GYG1: variants seen among roughly 807,000 people sequenced by gnomAD.
The protein encoded by GYG1 is glycogenin-1.
Under a neutral mutation model 41.9 loss-of-function variants are expected in GYG1, and 44 were observed. The ratio of observed to expected loss-of-function variants is 1.05; its 90% CI spans 0.83 to 1.35. The LOEUF (loss-of-function observed/expected upper bound fraction) is 1.35, where lower values mean the gene tolerates loss of function less well. GYG1 is among the 40% of genes most tolerant of loss of function. GYG1 has a pLI of 0.00. For missense variants in GYG1, 429 were observed against 418.9 expected (o/e 1.02, Z -0.21); for synonymous variants, 141 against 158.1 (o/e 0.89, Z 0.81).
rs1415409024 is a variant in GYG1, at chr3:149,030,533, G to A, written c.*3600G>A. ...GGCTTTGTCTTTGTAAGCAGAAAGA[G>A]TAGACTGTGTTGTTTTTTGCCAAAA... On this transcript the variant is annotated 3_prime_UTR_variant, in exon 8 of 8. Coordinates refer to ENST00000345003, the MANE Select transcript of GYG1 (RefSeq NM_004130.4). The A allele has an allele frequency of 6.6e-6, 1 of 152,162 alleles. No homozygotes were observed. Among genetic ancestry groups the A allele is most frequent in the African/African-American group, 2.4e-5 (1 of 41,440 alleles). 9.4% of individuals were successfully genotyped at this position (152,162 alleles called of 1,614,324 possible). A position where few individuals can be genotyped will look rare whatever the true frequency, so the allele number is the denominator to read the frequency against.
intron 5 of GYG1, among the ~76,000 whole-genome samples, chr3:149,021,911 C>G (rs1466353935): frequency 6.6e-6 from 1 of 152,130 alleles, no homozygotes; most frequent in Non-Finnish European, 1.5e-5. Context: ...GAGGTTCTGT[C>G]CCATTTTACT....
At position 149,026,617 on chromosome 3, in the gene GYG1, T is replaced by G. The variant is rs2289449; in HGVS notation, c.879+115T>G. 6,770 of 1,005,564 alleles carry G rather than the reference T, an allele frequency of 6.7e-3. 237 individuals carry two copies. In the East Asian group the frequency reaches 0.078, roughly 12 times the overall value. 62.3% of individuals were successfully genotyped at this position (1,005,564 alleles called of 1,614,324 possible). On this transcript the variant is annotated intron_variant, in intron 7 of 7. Transcript: ENST00000345003. ...CATATAATCTATATTTTTGTGTCTTTTTTGTTTGTTTCATGTAATACTTTT... is the reference window on the plus strand; with the variant it reads ...CATATAATCTATATTTTTGTGTCTTGTTTGTTTGTTTCATGTAATACTTTT...
chr3:149,009,711 C>T (rs1054670685), intron 5 of GYG1, among the ~76,000 whole-genome samples: 1 of 152,184 alleles, frequency 6.6e-6, no homozygotes, highest in African/African-American at 2.4e-5. Context: ...TGCAGACTTA[C>T]AACTTGGAGG....
In GYG1 at chr3:149,028,284, G is replaced by A. The variant is rs1419070858; in HGVS notation, c.*1351G>A. Among the ~76,000 whole-genome samples the A allele has an allele frequency of 2.6e-5, 4 of 152,152 alleles. No homozygotes were observed. Among genetic ancestry groups the A allele is most frequent in the Non-Finnish European group, 5.9e-5 (4 of 68,024 alleles). ...ACAGCTTAAGTCAAGAATGGTTGGG[G>A]CCACCTTGAAGGCTGTTACCATAGG... On this transcript the variant is annotated 3_prime_UTR_variant, in exon 8 of 8. Coordinates refer to ENST00000345003, the MANE Select transcript of GYG1 (RefSeq NM_004130.4).
intron 5 of GYG1, among the ~76,000 whole-genome samples, chr3:149,014,867 CAAAAAAA>C (rs113311454): frequency 9.0e-6 from 1 of 111,020 alleles, no homozygotes; most frequent in Admixed American, 9.4e-5. Flanking sequence ...GACTCTGTCT[CAAAAAAA>C]AAAAAAAAAA....
chr3:149,018,896 T>A (rs1714213425), intron 5 of GYG1, among the ~76,000 whole-genome samples: 1 of 151,384 alleles, frequency 6.6e-6, no homozygotes. Context: ...CTACAAAAAA[T>A]AAAAATAAAA....
rs267606858 is a variant in GYG1, at chr3:148,996,406, C to A, written c.248C>A (p.Thr83Lys). ...TLMKRPELGV[T>K]LTKLHCWSLT... The stretch of plus-strand genomic sequence containing the variant: ...ATGAAGAGGCCAGAGTTGGGTGTCA[C>A]GCTGACAAAGCTCCACTGCTGGTCG... The change falls in exon 3 of 8, where the codon ACG becomes AAG. Residue 83 changes from threonine (T) to lysine (K), a missense_variant. Transcript: ENST00000345003. The A allele has an allele frequency of 6.2e-7, 1 of 1,613,458 alleles. No homozygotes were observed. The highest frequency in any genetic ancestry group is 1.3e-5 in the African/African-American group (1 of 74,910).
At chr3:148,991,755 A>C in intron 1 of GYG1, 108 bp downstream of exon 1, 2 of 910,330 alleles carry the variant, frequency 2.2e-6, no homozygotes, top group Non-Finnish European at 3.3e-6. Context: ...CGGCAGGACG[A>C]AACCGCCGCA....
At chr3:148,991,740 G>C in intron 1 of GYG1, 93 bp downstream of exon 1, 1 of 1,068,326 alleles carries the variant, frequency 9.4e-7, no homozygotes, top group Non-Finnish European at 1.3e-6. Flanking sequence ...GCCCCGGAGT[G>C]TTCCCGGCAG....
At chr3:149,010,338 T>G (rs1171056138) in intron 5 of GYG1, among the ~76,000 whole-genome samples, 1 of 151,752 alleles carries the variant, frequency 6.6e-6, no homozygotes, top group African/African-American at 2.4e-5. Context: ...TTTTTTTTTT[T>G]TTTTTTTGAG....
chr3:149,004,596 C>T (rs1295163217), intron 4 of GYG1, among the ~76,000 whole-genome samples: 1 of 152,214 alleles, frequency 6.6e-6, no homozygotes, highest in Non-Finnish European at 1.5e-5. Flanking sequence ...CAGCTACGGA[C>T]TTCTACATGG....
chr3:148,997,641 AAC>A (rs752468351), intron 4 of GYG1, among the ~76,000 whole-genome samples: 1 of 152,266 alleles, frequency 6.6e-6, no homozygotes, highest in South Asian at 2.1e-4. Context: ...TAAAAACAAA[AAC>A]ACACAGGACA....
intron 6 of GYG1, among the ~76,000 whole-genome samples, chr3:149,024,656 A>G (rs558283934): frequency 6.6e-6 from 1 of 152,374 alleles, no homozygotes; most frequent in East Asian, 1.9e-4. Context: ...TATATTTGCC[A>G]TCTGCTTAGA....
chr3:149,028,448 A>C lies in GYG1; in HGVS notation c.*1515A>C, dbSNP rs558120504. Among the ~76,000 whole-genome samples the C allele has an allele frequency of 6.6e-6, 1 of 152,198 alleles. No individual in the cohort carries two copies. The highest frequency in any genetic ancestry group is 1.9e-4 in the East Asian group (1 of 5,194). ...ACAATGAAGCATTTACCAAAGATTTATTTAAGTGCCTCCATGTGTCAGATG... is the reference window on the plus strand; with the variant it reads ...ACAATGAAGCATTTACCAAAGATTTCTTTAAGTGCCTCCATGTGTCAGATG... On this transcript the variant is annotated 3_prime_UTR_variant, in exon 8 of 8. Transcript: ENST00000345003.
In GYG1 at chr3:149,029,563, ATT is replaced by A. The variant is rs1365187960; in HGVS notation, c.*2632_*2633del. ...ATGTGTTAAAAACTTGAGGTTAAAC[ATT>A]TGAGTTTTTGTTAAGAGCCAAACAT... On this transcript the variant is annotated 3_prime_UTR_variant, in exon 8 of 8. Coordinates refer to ENST00000345003, the MANE Select transcript of GYG1 (RefSeq NM_004130.4). Among the ~76,000 whole-genome samples, 2 of 152,382 alleles carry A rather than the reference ATT, an allele frequency of 1.3e-5. No homozygotes were observed. Among genetic ancestry groups the A allele is most frequent in the South Asian group, 2.1e-4 (1 of 4,834 alleles).
chr3:149,008,007 T>A (rs1713499555), intron 4 of GYG1: 1 of 152,220 alleles, frequency 6.6e-6, no homozygotes, highest in Admixed American at 6.5e-5. Flanking sequence ...AGATATGAAG[T>A]CCAGGAGCCC....
At chr3:149,006,612 A>G (rs79732732) in intron 4 of GYG1, among the ~76,000 whole-genome samples, 14 of 152,312 alleles carry the variant, frequency 9.2e-5, no homozygotes, top group Non-Finnish European at 1.9e-4. Flanking sequence ...AATATCCCAC[A>G]TGGATGTACC....
In GYG1 at chr3:148,996,400, G is replaced by A; in HGVS notation, c.242G>A (p.Gly81Asp). ...HLTLMKRPEL[G>D]VTLTKLHCWS... is the part of the protein sequence containing the mutation. ...ACCTTAATGAAGAGGCCAGAGTTGG[G>A]TGTCACGCTGACAAAGCTCCACTGC... The change falls in exon 3 of 8, where the codon GGT becomes GAT. Residue 81 changes from glycine (G) to aspartate (D), a missense_variant. Gly to Asp is a moderately conservative substitution (Grantham distance 94). Transcript: ENST00000345003. 1 of 1,613,442 alleles carries A rather than the reference G, an allele frequency of 6.2e-7. No individual in the cohort carries two copies. Among genetic ancestry groups the A allele is most frequent in the Non-Finnish European group, 8.5e-7 (1 of 1,179,690 alleles).
rs183650529 is a variant in GYG1 at position 149,017,700 on chromosome 3, T to A, written c.609-6353T>A. Among the ~76,000 whole-genome samples the A allele has an allele frequency of 1.8e-3, 264 of 144,284 alleles. 1 individual carries two copies. Among genetic ancestry groups the A allele is most frequent in the Middle Eastern group, 7.3e-3 (2 of 274 alleles). 94.7% of individuals were successfully genotyped at this position (144,284 alleles called of 152,430 possible). On this transcript the variant is annotated intron_variant, in intron 5 of 7. Transcript: ENST00000345003. Reference sequence around the variant, plus strand: ...AACCTCCGCCTCCTCCCAGGTTCGGTTCAAGTAATTCTCCTGCATCAGCCT... The same window carrying A: ...AACCTCCGCCTCCTCCCAGGTTCGGATCAAGTAATTCTCCTGCATCAGCCT...
Sources: gnomAD v4.1 joint callset for allele counts (sites outside exome capture counted in the v4.1 genomes callset) on GRCh38, gnomAD v4.1.1 for gene constraint, MANE v1.5 for transcripts, NCBI Gene and HGNC (gene_info 2026-07-23, HGNC 2026-07-21) for gene names.